Variants in ARID5B observed in about 807,000 individuals in gnomAD.
The protein encoded by ARID5B is AT-rich interaction domain 5B, also known as AT-rich interactive domain-containing protein 5B.
Under a neutral mutation model 97.2 loss-of-function variants are expected in ARID5B, and 13 were observed. The observed-to-expected ratio is 0.13, with a 90% CI of 0.09 to 0.21. ARID5B has a LOEUF of 0.21. Among genes scored for constraint, ARID5B ranks in the 10% least tolerant of loss-of-function variants. ARID5B has a pLI of 1.00. For synonymous variants in ARID5B, 556 were observed against 570.3 expected, an observed-to-expected ratio of 0.97 and a Z score of 0.36; for missense variants, 1,210 against 1,465.3, an observed-to-expected ratio of 0.83 and a Z score of 2.84.
At chr10:61,928,328 C>G (rs1844143692) in intron 2 of ARID5B, among the ~76,000 whole-genome samples, 1 of 152,102 alleles carries the variant, frequency 6.6e-6, no homozygotes, top group African/African-American at 2.4e-5. Context: ...GAGACAGGGT[C>G]TCAACTCTGT....
rs570291499 is a variant in ARID5B at position 62,096,057 on chromosome 10, A to G, written c.*3027A>G. ...ATGATAAAAAAATAAAAACAGCCCA[A>G]CCGAGTTTCGGAATTAAGTATTCTT... On this transcript the variant is annotated 3_prime_UTR_variant, in exon 10 of 10. Coordinates refer to ENST00000279873, the MANE Select transcript of ARID5B (RefSeq NM_032199.3). 1.8e-4 allele frequency: 43 copies of G among 233,354 alleles called. No individual in the cohort carries two copies. The highest frequency in any genetic ancestry group is 3.0e-4 in the Non-Finnish European group (35 of 117,982). The allele number at this position is 233,354 out of a possible 1,614,324, so 14.5% of individuals were successfully genotyped here. A position where few individuals can be genotyped will look rare whatever the true frequency, so the allele number is the denominator to read the frequency against.
intron 2 of ARID5B, among the ~76,000 whole-genome samples, chr10:61,908,533 C>T (rs553868838): frequency 6.6e-6 from 1 of 152,200 alleles, no homozygotes; most frequent in Admixed American, 6.5e-5. Flanking sequence ...CTCGGCCAGG[C>T]ATAGTGGCTC....
Position 61,923,402 on chromosome 10 carries a change from G to C in ARID5B, c.277-16781G>C, listed in dbSNP as rs549771895. Among the ~76,000 whole-genome samples the C allele has an allele frequency of 7.2e-5, 11 of 152,242 alleles. No homozygotes were observed. In the South Asian group the frequency reaches 1.9e-3, roughly 26 times the overall value. On this transcript the variant is annotated intron_variant, in intron 2 of 9. Coordinates refer to ENST00000279873, the MANE Select transcript of ARID5B (RefSeq NM_032199.3). ...TGCATCAGATTTTGTTTACTATCTGGCTCTTCTACCCAGTCCACACATACA... is the reference window on the plus strand; with the variant it reads ...TGCATCAGATTTTGTTTACTATCTGCCTCTTCTACCCAGTCCACACATACA...
At chr10:61,963,527 C>A (rs1176617611) in intron 3 of ARID5B, among the ~76,000 whole-genome samples, 2 of 152,036 alleles carry the variant, frequency 1.3e-5, no homozygotes, top group African/African-American at 4.8e-5. Context: ...GACACCACCC[C>A]ACATCTCAAT....
chr10:62,057,033 G>A lies in ARID5B; in HGVS notation c.847-84G>A, dbSNP rs1169495950. On this transcript the variant is annotated intron_variant, in intron 5 of 9. Transcript: ENST00000279873. ...TCACCCTTAGCACTCACTGAAAAGT[G>A]TTGCTGGCTCTGTCACTAGCTATGT... 1.5e-5 allele frequency: 20 copies of A among 1,334,100 alleles called. No individual in the cohort carries two copies. In the East Asian group the frequency reaches 4.6e-4, roughly 31 times the overall value. 82.6% of individuals were successfully genotyped at this position (1,334,100 alleles called of 1,614,324 possible).
intron 3 of ARID5B, among the ~76,000 whole-genome samples, chr10:61,952,128 C>T (rs1031652208): frequency 1.3e-5 from 2 of 152,160 alleles, no homozygotes; most frequent in African/African-American, 2.4e-5. Flanking sequence ...ACCTTCTTTG[C>T]CCTAGCCTAA....
chr10:61,946,518 G>C (rs58564894), intron 3 of ARID5B, among the ~76,000 whole-genome samples: 1 of 152,116 alleles, frequency 6.6e-6, no homozygotes, highest in Non-Finnish European at 1.5e-5. Flanking sequence ...GCTGGCCTAA[G>C]TCTACTATTT....
intron 4 of ARID5B, among the ~76,000 whole-genome samples, chr10:62,024,153 T>C (rs1253857558): frequency 6.6e-6 from 1 of 152,242 alleles, no homozygotes; most frequent in African/African-American, 2.4e-5. Context: ...TAACTTATTA[T>C]GTACCAGATA....
intron 7 of ARID5B, among the ~76,000 whole-genome samples, chr10:62,069,061 A>T (rs1392491897): frequency 6.6e-6 from 1 of 152,242 alleles, no homozygotes; most frequent in African/African-American, 2.4e-5. Context: ...TGCAACATAT[A>T]CAGTTTCAGA....
intron 3 of ARID5B, among the ~76,000 whole-genome samples, chr10:61,970,210 T>C (rs1212543258): frequency 1.3e-5 from 2 of 152,244 alleles, no homozygotes. Flanking sequence ...CTTACTTAAA[T>C]AAATTGACTT....
At chr10:61,903,416 G>T (rs1224804149) in intron 2 of ARID5B, among the ~76,000 whole-genome samples, 1 of 152,338 alleles carries the variant, frequency 6.6e-6, no homozygotes, top group Admixed American at 6.5e-5. Flanking sequence ...ATGTGTGACC[G>T]CAGTTCTGCG....
intron 3 of ARID5B, among the ~76,000 whole-genome samples, chr10:61,980,288 C>G (rs940756117): frequency 6.6e-6 from 1 of 152,200 alleles, no homozygotes; most frequent in African/African-American, 2.4e-5. Context: ...AAGACAGTGA[C>G]TCTGTCATTT....
chr10:61,906,634 G>A (rs1843712754), intron 2 of ARID5B, among the ~76,000 whole-genome samples: 1 of 152,196 alleles, frequency 6.6e-6, no homozygotes, highest in Non-Finnish European at 1.5e-5. Context: ...GGATGTTACA[G>A]ATTCTAGCAT....
chr10:61,902,125 A>G (rs1214269897), intron 1 of ARID5B, 34 bp from the exon 2 acceptor site: 9 of 1,609,770 alleles, frequency 5.6e-6, no homozygotes, highest in Admixed American at 3.4e-5. Context: ...TGATGGCTAC[A>G]TTATTTATTT....
At chr10:61,953,912 CA>C (rs548430939) in intron 3 of ARID5B, among the ~76,000 whole-genome samples, 52 of 152,082 alleles carry the variant, frequency 3.4e-4, no homozygotes, top group African/African-American at 1.1e-3. Flanking sequence ...AAAAGAATAC[CA>C]AGACAGAGAT....
At chr10:61,973,923 G>C (rs1838665091) in intron 3 of ARID5B, among the ~76,000 whole-genome samples, 1 of 152,180 alleles carries the variant, frequency 6.6e-6, no homozygotes, top group South Asian at 2.1e-4. Context: ...ATAAAATCGA[G>C]TTTAGTCATG....
intron 9 of ARID5B, among the ~76,000 whole-genome samples, chr10:62,089,417 A>G (rs955011061): frequency 1.3e-5 from 2 of 151,838 alleles, no homozygotes; most frequent in Non-Finnish European, 2.9e-5. Context: ...AGCATCCTCA[A>G]TCTTACCCAA....
chr10:62,040,863 G>A (rs1320743662), intron 4 of ARID5B, among the ~76,000 whole-genome samples: 1 of 152,186 alleles, frequency 6.6e-6, no homozygotes, highest in African/African-American at 2.4e-5. Context: ...GGCTAGCGGT[G>A]ACTGTATCAG....
At chr10:61,902,103 A>T (rs905801064) in intron 1 of ARID5B, 56 bp from the exon 2 acceptor site, 2 of 1,598,230 alleles carry the variant, frequency 1.3e-6, no homozygotes, top group Non-Finnish European at 1.7e-6. Flanking sequence ...CTGGGAATAG[A>T]TGTTTGTGCT....
Sources: gnomAD v4.1 joint callset for allele counts (sites outside exome capture counted in the v4.1 genomes callset) on GRCh38, gnomAD v4.1.1 for gene constraint, MANE v1.5 for transcripts, NCBI Gene and HGNC (gene_info 2026-07-23, HGNC 2026-07-21) for gene names.